SESTD1: variants seen among roughly 807,000 people sequenced by gnomAD.
SESTD1 encodes the protein SEC14 and spectrin domain containing 1.
Under a neutral mutation model 101.7 loss-of-function variants are expected in SESTD1, and 43 were observed. The observed-to-expected ratio is 0.42, with a 90% CI of 0.33 to 0.55. SESTD1 has a LOEUF of 0.55. Among genes scored for constraint, SESTD1 ranks in the 20% least tolerant of loss-of-function variants. SESTD1 has a pLI of 0.07. For missense variants in SESTD1, 647 were observed against 815.1 expected (o/e 0.79, Z 2.51); for synonymous variants, 283 against 286.8 (o/e 0.99, Z 0.13).
intron 4 of SESTD1, among the ~76,000 whole-genome samples, chr2:179,172,767 T>C (rs1358152048): frequency 6.6e-6 from 1 of 152,226 alleles, no homozygotes; most frequent in East Asian, 1.9e-4. Context: ...TTGATATGGT[T>C]ACTTATACTA....
intron 1 of SESTD1, among the ~76,000 whole-genome samples, chr2:179,217,619 T>A (rs1304568114): frequency 6.6e-6 from 1 of 152,024 alleles, no homozygotes; most frequent in Non-Finnish European, 1.5e-5. Flanking sequence ...CGTGATCCTA[T>A]TATATCCTGG....
At chr2:179,221,181 T>C (rs934927745) in intron 1 of SESTD1, among the ~76,000 whole-genome samples, 2 of 152,104 alleles carry the variant, frequency 1.3e-5, no homozygotes, top group Non-Finnish European at 2.9e-5. Context: ...AAAAATAGTT[T>C]TTAAAAAAGG....
chr2:179,124,324 A>T (rs2044821186), intron 11 of SESTD1, 40 bp downstream of exon 11: 7 of 1,573,658 alleles, frequency 4.4e-6, no homozygotes, highest in Non-Finnish European at 6.1e-6. Flanking sequence ...AAGTGTTCAG[A>T]TAATTTGAAG....
chr2:179,217,989 G>A (rs1047325180), intron 1 of SESTD1, among the ~76,000 whole-genome samples: 1 of 152,074 alleles, frequency 6.6e-6, no homozygotes, highest in East Asian at 1.9e-4. Context: ...GGGGGTTGCG[G>A]GGCTGGGGGA....
chr2:179,166,105 T>G (rs575514909), intron 5 of SESTD1, among the ~76,000 whole-genome samples: 1 of 152,254 alleles, frequency 6.6e-6, no homozygotes, highest in Admixed American at 6.5e-5. Context: ...GTTAAAATTT[T>G]TAATGAATCA....
chr2:179,119,808 A>AT (rs1327888495), intron 13 of SESTD1, among the ~76,000 whole-genome samples: 3 of 152,050 alleles, frequency 2.0e-5, no homozygotes, highest in African/African-American at 7.2e-5. Flanking sequence ...CTCTTTCTCC[A>AT]TCCAAGTAAG....
chr2:179,178,574 C>T (rs2046052081), intron 3 of SESTD1, among the ~76,000 whole-genome samples: 1 of 152,128 alleles, frequency 6.6e-6, no homozygotes, highest in Non-Finnish European at 1.5e-5. Flanking sequence ...AACAAAACAT[C>T]TAAGAAGACC....
At chr2:179,137,153 A>G (rs17454199) in intron 9 of SESTD1, among the ~76,000 whole-genome samples, 8,443 of 152,260 alleles carry the variant, frequency 0.055, 323 homozygotes, top group South Asian at 0.14. Context: ...TCCCCAATCC[A>G]TATCAATGTG....
At chr2:179,180,361 T>G (rs774588908) in intron 3 of SESTD1, among the ~76,000 whole-genome samples, 10 of 152,178 alleles carry the variant, frequency 6.6e-5, no homozygotes, top group Non-Finnish European at 1.5e-4. Flanking sequence ...CATCTCCTAT[T>G]AGGAAGAGGC....
intron 7 of SESTD1, among the ~76,000 whole-genome samples, chr2:179,148,392 C>T (rs1202746360): frequency 6.6e-6 from 1 of 152,184 alleles, no homozygotes; most frequent in Admixed American, 6.5e-5. Context: ...AGGACTTGCT[C>T]TACCAACAGA....
At chr2:179,165,467 C>T (rs759365338) in intron 5 of SESTD1, among the ~76,000 whole-genome samples, 65 of 152,118 alleles carry the variant, frequency 4.3e-4, no homozygotes, top group Non-Finnish European at 2.5e-4. Flanking sequence ...TCCGTGGTAC[C>T]GGGTGTTCAC....
chr2:179,216,461 C>T (rs1157860789), intron 1 of SESTD1, among the ~76,000 whole-genome samples: 2 of 134,930 alleles, frequency 1.5e-5, no homozygotes, highest in African/African-American at 2.9e-5. Flanking sequence ...CTACCAACCA[C>T]TGCTCAATGA....
At chr2:179,184,443 T>A (rs142363851) in intron 2 of SESTD1, among the ~76,000 whole-genome samples, 119 of 152,270 alleles carry the variant, frequency 7.8e-4, no homozygotes, top group African/African-American at 2.8e-3. Flanking sequence ...CAACGATTAC[T>A]GCCATCCAAC....
At chr2:179,229,265 G>C (rs1282807541) in intron 1 of SESTD1, among the ~76,000 whole-genome samples, 2 of 152,140 alleles carry the variant, frequency 1.3e-5, no homozygotes, top group Admixed American at 6.5e-5. Context: ...ATGTAAGTGA[G>C]CATCATTCAA....
intron 1 of SESTD1, among the ~76,000 whole-genome samples, chr2:179,237,083 T>C (rs900695496): frequency 6.6e-6 from 1 of 152,144 alleles, no homozygotes; most frequent in Non-Finnish European, 1.5e-5. Context: ...ATTGCAAATG[T>C]TGCACTTGCC....
chr2:179,199,318 T>G (rs993455225), intron 1 of SESTD1, among the ~76,000 whole-genome samples: 5 of 152,028 alleles, frequency 3.3e-5, no homozygotes, highest in Admixed American at 6.5e-5. Context: ...ATTCAATAGC[T>G]TACCAACCAA....
chr2:179,149,059 C>CAAAAAAAAAAAAAAAAAAAAA (rs66636048), intron 7 of SESTD1, among the ~76,000 whole-genome samples: 1 of 60,410 alleles, frequency 1.7e-5, no homozygotes, highest in African/African-American at 5.7e-5. Flanking sequence ...GACTCCGTCT[C>CAAAAAAAAAAAAAAAAAAAAA]AAAAAAAAAA....
chr2:179,257,252 C>G (rs2047411222), intron 1 of SESTD1, among the ~76,000 whole-genome samples: 1 of 152,046 alleles, frequency 6.6e-6, no homozygotes, highest in East Asian at 1.9e-4. Context: ...AAAGTAATTA[C>G]CATAGCTACC....
chr2:179,189,133 T>C (rs1036269650), intron 2 of SESTD1, among the ~76,000 whole-genome samples: 8 of 151,958 alleles, frequency 5.3e-5, no homozygotes, highest in African/African-American at 1.7e-4. Flanking sequence ...AAAAGCAAAC[T>C]AAAGGCCAAT....
Sources: gnomAD v4.1 joint callset for allele counts (sites outside exome capture counted in the v4.1 genomes callset) on GRCh38, gnomAD v4.1.1 for gene constraint, MANE v1.5 for transcripts, NCBI Gene and HGNC (gene_info 2026-07-23, HGNC 2026-07-21) for gene names.